FAR2: variants seen among roughly 807,000 people sequenced by gnomAD.
The protein encoded by FAR2 is fatty acyl-CoA reductase 2, also known as epididymis secretory protein Li 81.
A neutral mutation model predicts 56.0 loss-of-function variants in FAR2; 19 were observed. The observed-to-expected ratio is 0.34, with a 90% CI of 0.24 to 0.50. FAR2 has a LOEUF of 0.50. Ranked by LOEUF, FAR2 falls within the 20% of genes least tolerant of loss-of-function variation. The pLI is 0.98. For synonymous variants in FAR2, 219 were observed against 218.8 expected, an observed-to-expected ratio of 1.00 and a Z score of -0.01; for missense variants, 508 against 642.2, an observed-to-expected ratio of 0.79 and a Z score of 2.26.
At chr12:29,236,613 A>G (rs746639365) in intron 1 of FAR2, among the ~76,000 whole-genome samples, 8 of 152,142 alleles carry the variant, frequency 5.3e-5, no homozygotes, top group Non-Finnish European at 5.9e-5. Context: ...AGATCTCATG[A>G]GAATTCACTC....
chr12:29,155,286 G>T (rs1231352432), intron 1 of FAR2, among the ~76,000 whole-genome samples: 1 of 152,162 alleles, frequency 6.6e-6, no homozygotes, highest in Non-Finnish European at 1.5e-5. Flanking sequence ...CCCCTGCAGG[G>T]CAATACAGTG....
intron 1 of FAR2, chr12:29,156,949 C>T (rs1949732627): frequency 6.6e-6 from 1 of 151,572 alleles, no homozygotes. Flanking sequence ...GCTGTGTGAT[C>T]ACAGAGTTTG....
At chr12:29,267,777 A>G (rs181006560) in intron 1 of FAR2, among the ~76,000 whole-genome samples, 11 of 152,350 alleles carry the variant, frequency 7.2e-5, no homozygotes, top group African/African-American at 2.6e-4. Flanking sequence ...AACACAGCTA[A>G]TGTGATTTGA....
chr12:29,320,301 TATC>T (rs1189718093), intron 9 of FAR2, among the ~76,000 whole-genome samples: 2 of 152,248 alleles, frequency 1.3e-5, no homozygotes, highest in Admixed American at 6.5e-5. Context: ...CATCCAATGA[TATC>T]ATGTCCAACC....
intron 3 of FAR2, among the ~76,000 whole-genome samples, chr12:29,295,971 T>C (rs1051274359): frequency 7.9e-5 from 12 of 151,382 alleles, no homozygotes; most frequent in African/African-American, 2.9e-4. Context: ...GGTTTCACCT[T>C]GTTAGCCAGG....
intron 2 of FAR2, among the ~76,000 whole-genome samples, chr12:29,282,881 A>C (rs1470513861): frequency 6.6e-6 from 1 of 152,188 alleles, no homozygotes; most frequent in Admixed American, 6.5e-5. Flanking sequence ...TCGAAAAAGA[A>C]GATTAATTTT....
intron 1 of FAR2, among the ~76,000 whole-genome samples, chr12:29,269,541 A>G (rs1368654021): frequency 3.9e-5 from 6 of 152,226 alleles, no homozygotes; most frequent in Non-Finnish European, 7.3e-5. Flanking sequence ...GATTAAAGTA[A>G]AGACAGGCAT....
At chr12:29,255,463 T>A (rs1948303430) in intron 1 of FAR2, among the ~76,000 whole-genome samples, 1 of 152,214 alleles carries the variant, frequency 6.6e-6, no homozygotes, top group Non-Finnish European at 1.5e-5. Context: ...GTTAAGCCCA[T>A]GACAATGTTT....
intron 9 of FAR2, 67 bp downstream of exon 9, chr12:29,317,079 G>T: frequency 6.7e-7 from 1 of 1,488,722 alleles, no homozygotes; most frequent in Non-Finnish European, 9.0e-7. Context: ...AAAATCTTTA[G>T]TGCTTCCTTC....
At chr12:29,286,745 C>T (rs1948881863) in intron 2 of FAR2, among the ~76,000 whole-genome samples, 1 of 152,060 alleles carries the variant, frequency 6.6e-6, no homozygotes, top group Non-Finnish European at 1.5e-5. Flanking sequence ...ACAAAATTGT[C>T]TTTAAGAATA....
intron 1 of FAR2, among the ~76,000 whole-genome samples, chr12:29,254,341 GACAA>G (rs1287890221): frequency 6.6e-6 from 1 of 152,164 alleles, no homozygotes; most frequent in East Asian, 1.9e-4. Flanking sequence ...TTAAGTGTTT[GACAA>G]ACAGATATGT....
intron 1 of FAR2, among the ~76,000 whole-genome samples, chr12:29,258,966 A>G (rs978876949): frequency 2.6e-5 from 4 of 152,340 alleles, no homozygotes; most frequent in African/African-American, 7.2e-5. Context: ...AAGATTTTCC[A>G]TACGTGTAAT....
intron 1 of FAR2, among the ~76,000 whole-genome samples, chr12:29,184,194 C>G (rs1194426464): frequency 6.6e-6 from 1 of 152,160 alleles, no homozygotes; most frequent in Non-Finnish European, 1.5e-5. Context: ...CATAACTCCA[C>G]TGGGATAATT....
At chr12:29,305,427 C>CGGTG (rs1388093312) in intron 4 of FAR2, among the ~76,000 whole-genome samples, 1 of 152,094 alleles carries the variant, frequency 6.6e-6, no homozygotes, top group Non-Finnish European at 1.5e-5. Context: ...TTTGAGTCAC[C>CGGTG]GCACTTGGCC....
chr12:29,165,430 GCCC>G (rs1949816844), intron 1 of FAR2, among the ~76,000 whole-genome samples: 1 of 152,110 alleles, frequency 6.6e-6, no homozygotes, highest in Admixed American at 6.5e-5. Flanking sequence ...GGAAAATTAG[GCCC>G]ACAAAGTTTA....
At chr12:29,261,783 G>A (rs1948423297) in intron 1 of FAR2, among the ~76,000 whole-genome samples, 1 of 152,032 alleles carries the variant, frequency 6.6e-6, no homozygotes, top group Non-Finnish European at 1.5e-5. Context: ...AAGTGCTGAA[G>A]AAAAAAATCT....
At chr12:29,293,188 T>G in intron 2 of FAR2, 112 bp from the exon 3 acceptor site, 3 of 867,162 alleles carry the variant, frequency 3.5e-6, no homozygotes, top group Non-Finnish European at 5.0e-6. Context: ...TTAAGTAATG[T>G]TATTACAACT....
intron 2 of FAR2, chr12:29,277,517 TA>T (rs1442961519): frequency 1.3e-5 from 2 of 152,156 alleles, no homozygotes; most frequent in African/African-American, 4.8e-5. Flanking sequence ...TCACAGATCT[TA>T]AAGTCCAGTG....
At chr12:29,291,087 A>G (rs6487799) in intron 2 of FAR2, among the ~76,000 whole-genome samples, 70,181 of 151,928 alleles carry the variant, frequency 0.46, 16,737 homozygotes, top group East Asian at 0.62. Context: ...ACCTGTATAA[A>G]AACATCTCAT....
Sources: allele counts gnomAD v4.1 joint callset (sites outside exome capture counted in the v4.1 genomes callset), GRCh38; gene constraint gnomAD v4.1.1; transcripts MANE v1.5; gene names NCBI Gene and HGNC (gene_info 2026-07-23, HGNC 2026-07-21).